Variants in PDE3A observed in about 807,000 individuals in gnomAD.
PDE3A encodes the protein cGMP-inhibited 3',5'-cyclic phosphodiesterase 3A.
In PDE3A, 43 loss-of-function variants were observed where a neutral mutation model predicts 98.3. The ratio of observed to expected loss-of-function variants is 0.44; its 90% confidence interval spans 0.34 to 0.56. PDE3A has a LOEUF of 0.56. PDE3A is among the 20% of genes least tolerant of loss of function. The pLI, the probability that PDE3A is intolerant of heterozygous loss-of-function variation, is 0.01. For synonymous variants in PDE3A, 663 were observed against 567.9 expected, an observed-to-expected ratio of 1.17 and a Z score of -2.38; for missense variants, 1,427 against 1,440.7, an observed-to-expected ratio of 0.99 and a Z score of 0.15.
intron 1 of PDE3A, among the ~76,000 whole-genome samples, chr12:20,504,190 T>C (rs1946074267): frequency 6.6e-6 from 1 of 152,100 alleles, no homozygotes; most frequent in Non-Finnish European, 1.5e-5. Context: ...CTTTTCCTTC[T>C]CCTGTTACTC....
At chr12:20,649,224 C>T (rs950884410) in intron 13 of PDE3A, among the ~76,000 whole-genome samples, 8 of 152,098 alleles carry the variant, frequency 5.3e-5, no homozygotes, top group African/African-American at 1.9e-4. Flanking sequence ...AGGCACCGTG[C>T]CCGGCTGCAT....
At chr12:20,374,479 A>G (rs544797728) in intron 1 of PDE3A, among the ~76,000 whole-genome samples, 1 of 152,046 alleles carries the variant, frequency 6.6e-6, no homozygotes, top group Non-Finnish European at 1.5e-5. Context: ...TATGAAATAC[A>G]TTTTGAAAAG....
chr12:20,405,676 A>G (rs1944219645), intron 1 of PDE3A, among the ~76,000 whole-genome samples: 1 of 152,226 alleles, frequency 6.6e-6, no homozygotes, highest in South Asian at 2.1e-4. Flanking sequence ...TTGTGAAATA[A>G]TGACCACAAT....
chr12:20,637,510 T>C (rs1160508047), intron 9 of PDE3A, among the ~76,000 whole-genome samples: 1 of 151,958 alleles, frequency 6.6e-6, no homozygotes, highest in Non-Finnish European at 1.5e-5. Flanking sequence ...ACAAACGATC[T>C]AGAATTCATA....
intron 2 of PDE3A, among the ~76,000 whole-genome samples, chr12:20,589,590 C>T (rs898491395): frequency 5.3e-5 from 8 of 151,922 alleles, no homozygotes; most frequent in South Asian, 2.1e-4. Context: ...TTCACATGGC[C>T]GGGCGCTGTG....
At chr12:20,481,060 A>G (rs937068297) in intron 1 of PDE3A, among the ~76,000 whole-genome samples, 2 of 152,252 alleles carry the variant, frequency 1.3e-5, no homozygotes, top group Non-Finnish European at 2.9e-5. Context: ...ATTAAAAATT[A>G]TATAAACCAC....
intron 15 of PDE3A, among the ~76,000 whole-genome samples, chr12:20,677,011 C>A (rs1341999997): frequency 1.3e-5 from 2 of 152,140 alleles, no homozygotes; most frequent in Non-Finnish European, 2.9e-5. Context: ...ATATGTCATG[C>A]AAGCTTTGTT....
intron 10 of PDE3A, among the ~76,000 whole-genome samples, chr12:20,644,518 T>C (rs1315304043): frequency 1.3e-5 from 2 of 152,196 alleles, no homozygotes; most frequent in Non-Finnish European, 1.5e-5. Context: ...TTAGCATGGA[T>C]AATATTATAG....
intron 1 of PDE3A, among the ~76,000 whole-genome samples, chr12:20,440,147 G>C (rs560135622): frequency 3.6e-4 from 55 of 152,188 alleles, no homozygotes; most frequent in African/African-American, 1.3e-3. Context: ...CCTGTTCAAG[G>C]GATGTTTCAA....
At chr12:20,476,327 T>G (rs577655283) in intron 1 of PDE3A, among the ~76,000 whole-genome samples, 1 of 152,208 alleles carries the variant, frequency 6.6e-6, no homozygotes, top group Non-Finnish European at 1.5e-5. Flanking sequence ...ACATCAGATA[T>G]TTATGTTGTT....
At chr12:20,527,066 C>T (rs1946537558) in intron 1 of PDE3A, among the ~76,000 whole-genome samples, 2 of 152,008 alleles carry the variant, frequency 1.3e-5, no homozygotes, top group South Asian at 4.2e-4. Flanking sequence ...TTACAGGCGC[C>T]TGCTGCCATG....
intron 10 of PDE3A, among the ~76,000 whole-genome samples, chr12:20,646,260 C>A (rs1445744907): frequency 2.6e-5 from 4 of 152,168 alleles, no homozygotes; most frequent in Admixed American, 2.6e-4. Flanking sequence ...TTTTCCACTT[C>A]AGATACCTGC....
chr12:20,503,239 A>G (rs1459106884), intron 1 of PDE3A, among the ~76,000 whole-genome samples: 2 of 152,032 alleles, frequency 1.3e-5, no homozygotes, highest in Non-Finnish European at 2.9e-5. Context: ...CTAGTTTAGA[A>G]TACTAGATAA....
chr12:20,637,017 G>A, intron 8 of PDE3A, 83 bp from the exon 9 acceptor site: 1 of 870,404 alleles, frequency 1.1e-6, no homozygotes, highest in Non-Finnish European at 1.7e-6. Flanking sequence ...GATAGCCACA[G>A]TTGTTATTGA....
At chr12:20,386,244 A>C (rs1395726620) in intron 1 of PDE3A, among the ~76,000 whole-genome samples, 1 of 130,248 alleles carries the variant, frequency 7.7e-6, no homozygotes, top group African/African-American at 2.9e-5. Flanking sequence ...ATAAATATAA[A>C]TATATTAATT....
At chr12:20,609,767 T>C (rs183943118) in intron 2 of PDE3A, among the ~76,000 whole-genome samples, 3 of 152,148 alleles carry the variant, frequency 2.0e-5, no homozygotes, top group African/African-American at 7.2e-5. Context: ...CAAATAATTT[T>C]ACACAAGGGT....
At chr12:20,548,537 CCT>C (rs1419727279) in intron 1 of PDE3A, among the ~76,000 whole-genome samples, 2 of 151,842 alleles carry the variant, frequency 1.3e-5, no homozygotes, top group Non-Finnish European at 2.9e-5. Flanking sequence ...TCAATCTCTC[CCT>C]CTCTGTTTTA....
chr12:20,646,455 A>C (rs761721597), intron 10 of PDE3A, 35 bp from the exon 11 acceptor site: 24 of 1,177,306 alleles, frequency 2.0e-5, no homozygotes, highest in Non-Finnish European at 3.1e-5. Context: ...CCCAAAGTTC[A>C]TAAACTGATG....
chr12:20,609,049 T>TAAGA (rs1943782108), intron 2 of PDE3A, among the ~76,000 whole-genome samples: 1 of 152,064 alleles, frequency 6.6e-6, no homozygotes, highest in Admixed American at 6.5e-5. Flanking sequence ...AGAGATGCAC[T>TAAGA]TTAAAATACT....
Sources: gnomAD v4.1 joint callset for allele counts (sites outside exome capture counted in the v4.1 genomes callset) on GRCh38, gnomAD v4.1.1 for gene constraint, MANE v1.5 for transcripts, NCBI Gene and HGNC (gene_info 2026-07-23, HGNC 2026-07-21) for gene names.